The following FAM107B variants were observed in gnomAD, a reference collection of about 807,000 sequenced individuals.
FAM107B encodes the protein family with sequence similarity 107 member B, also known as protein FAM107B.
FAM107B carries 21 observed loss-of-function variants against 31.5 expected under a neutral mutation model. That is an observed-to-expected ratio of 0.67 (90% confidence interval 0.47 to 0.96). The LOEUF (loss-of-function observed/expected upper bound fraction) is 0.96. Among genes scored for constraint, FAM107B ranks in the 40% least tolerant of loss-of-function variants. The pLI is 0.00. For missense variants in FAM107B, 452 were observed against 377.1 expected (o/e 1.20, Z -1.64); for synonymous variants, 157 against 141.5 (o/e 1.11, Z -0.78).
chr10:14,580,666 C>T (rs1851606800), intron 2 of FAM107B, among the ~76,000 whole-genome samples: 1 of 151,838 alleles, frequency 6.6e-6, no homozygotes, highest in Non-Finnish European at 1.5e-5. Context: ...CAAATAAAAG[C>T]ATACTGAACA....
intron 1 of FAM107B, among the ~76,000 whole-genome samples, chr10:14,756,393 C>G (rs996297915): frequency 3.9e-5 from 6 of 152,200 alleles, no homozygotes; most frequent in African/African-American, 1.4e-4. Flanking sequence ...TGGTTAACAT[C>G]TACAATCAGC....
chr10:14,723,084 A>G, intron 1 of FAM107B: 1 of 371,748 alleles, frequency 2.7e-6, no homozygotes, highest in Non-Finnish European at 5.2e-6. Flanking sequence ...CTTCTTTGGC[A>G]TGTATCTTTT....
At chr10:14,542,638 G>A (rs7920598) in intron 2 of FAM107B, 9 of 152,164 alleles carry the variant, frequency 5.9e-5, no homozygotes, top group African/African-American at 2.2e-4. Flanking sequence ...GAGTAGGGGA[G>A]GTCAACCCAC....
intron 2 of FAM107B, among the ~76,000 whole-genome samples, chr10:14,653,080 T>C (rs968699793): frequency 2.6e-5 from 4 of 152,192 alleles, no homozygotes. Flanking sequence ...TCGCAATCCC[T>C]GAGTAGAGAG....
intron 1 of FAM107B, among the ~76,000 whole-genome samples, chr10:14,741,874 T>C (rs1339580382): frequency 6.6e-6 from 1 of 151,632 alleles, no homozygotes; most frequent in Non-Finnish European, 1.5e-5. Flanking sequence ...CCAGGCTAAT[T>C]TTTTTGTATT....
intron 1 of FAM107B, among the ~76,000 whole-genome samples, chr10:14,693,381 G>A (rs1489939150): frequency 1.3e-5 from 2 of 151,918 alleles, no homozygotes; most frequent in African/African-American, 4.8e-5. Context: ...GGGACGCTGA[G>A]GCAGGAGAAT....
intron 2 of FAM107B, among the ~76,000 whole-genome samples, chr10:14,629,489 ATAATATATATATATT>A (rs1853291899): frequency 8.6e-6 from 1 of 115,968 alleles, no homozygotes; most frequent in Non-Finnish European, 1.7e-5. Context: ...TATAACATAT[ATAATATATATATATT>A]TAATATATAT....
At chr10:14,672,566 T>A (rs149742095) in intron 1 of FAM107B, among the ~76,000 whole-genome samples, 1 of 152,222 alleles carries the variant, frequency 6.6e-6, no homozygotes, top group Admixed American at 6.5e-5. Flanking sequence ...AGTAAAAAGA[T>A]AGTTTATAAC....
At chr10:14,596,606 C>T (rs1324946341) in intron 2 of FAM107B, among the ~76,000 whole-genome samples, 1 of 152,122 alleles carries the variant, frequency 6.6e-6, no homozygotes, top group Non-Finnish European at 1.5e-5. Flanking sequence ...AATATGCAAA[C>T]CCCAAGAGGG....
intron 2 of FAM107B, among the ~76,000 whole-genome samples, chr10:14,553,658 G>GT (rs974894135): frequency 4.6e-5 from 7 of 152,210 alleles, no homozygotes; most frequent in African/African-American, 1.7e-4. Flanking sequence ...TGAGGCAACA[G>GT]TAATAGTATG....
At chr10:14,694,828 G>C (rs1855227519) in intron 1 of FAM107B, among the ~76,000 whole-genome samples, 1 of 152,076 alleles carries the variant, frequency 6.6e-6, no homozygotes, top group South Asian at 2.1e-4. Context: ...CAGGTCTTTT[G>C]ACCATTTTTT....
chr10:14,543,488 C>A lies in FAM107B; in HGVS notation c.470-12973G>T, dbSNP rs549419463. Among the ~76,000 whole-genome samples, 242 of 152,002 alleles carry A rather than the reference C, an allele frequency of 1.6e-3. 3 individuals carry two copies. The highest frequency in any genetic ancestry group is 5.7e-3 in the African/African-American group (236 of 41,456). On this transcript the variant is annotated intron_variant, in intron 2 of 4. Transcript: ENST00000181796. ...TGGTGTAGGACCCGTGACTCAGGAG[C>A]AGTGCAGGAGGAGTTGAAATCAGCC... is the stretch of plus-strand genomic sequence containing the variant.
intron 3 of FAM107B, among the ~76,000 whole-genome samples, chr10:14,527,157 A>C (rs1031300743): frequency 2.0e-5 from 3 of 151,838 alleles, no homozygotes; most frequent in African/African-American, 4.8e-5. Flanking sequence ...GTTTTTTTAA[A>C]GATCCCTTCA....
intron 2 of FAM107B, among the ~76,000 whole-genome samples, chr10:14,583,013 C>T (rs908050586): frequency 2.7e-5 from 4 of 146,354 alleles, no homozygotes; most frequent in Non-Finnish European, 6.0e-5. Context: ...TTGAACCCAG[C>T]GGGGTGGAGG....
chr10:14,681,098 C>G (rs1441012898), intron 1 of FAM107B, among the ~76,000 whole-genome samples: 1 of 152,140 alleles, frequency 6.6e-6, no homozygotes, highest in Non-Finnish European at 1.5e-5. Context: ...TATAGGAACC[C>G]TAAGTAGCTA....
chr10:14,747,595 T>C (rs1564285842), intron 1 of FAM107B, among the ~76,000 whole-genome samples: 1 of 152,324 alleles, frequency 6.6e-6, no homozygotes, highest in East Asian at 1.9e-4. Flanking sequence ...CCAGATCCTA[T>C]GCATCTGGGT....
At chr10:14,563,892 ATT>A (rs1307566523) in intron 2 of FAM107B, among the ~76,000 whole-genome samples, 1 of 151,694 alleles carries the variant, frequency 6.6e-6, no homozygotes, top group Non-Finnish European at 1.5e-5. Flanking sequence ...TTCTCACTAA[ATT>A]TTTTTTTGGT....
intron 1 of FAM107B, among the ~76,000 whole-genome samples, chr10:14,752,523 G>C (rs185433152): frequency 8.5e-5 from 13 of 152,304 alleles, no homozygotes; most frequent in African/African-American, 2.9e-4. Context: ...AGTATAGGAC[G>C]CAAACTGTCA....
intron 2 of FAM107B, among the ~76,000 whole-genome samples, chr10:14,620,443 T>C (rs1452820145): frequency 6.6e-6 from 1 of 152,232 alleles, no homozygotes; most frequent in East Asian, 1.9e-4. Flanking sequence ...TCTAACTTTG[T>C]TGTTCTCCAA....
Sources: gnomAD v4.1 joint callset for allele counts (sites outside exome capture counted in the v4.1 genomes callset) on GRCh38, gnomAD v4.1.1 for gene constraint, MANE v1.5 for transcripts, NCBI Gene and HGNC (gene_info 2026-07-23, HGNC 2026-07-21) for gene names.